Variants in HEMK2 observed in about 807,000 individuals in gnomAD.
The protein encoded by HEMK2 is methyltransferase HEMK2.
the HEMK2 span, among the ~76,000 whole-genome samples, chr21:28,763,269 T>G: frequency 1.3e-5 from 2 of 152,166 alleles, no homozygotes. Context: ...CTTATGGTTC[T>G]GCATGCTGTA....
chr21:28,696,427 C>T, the HEMK2 span, among the ~76,000 whole-genome samples: 468 of 152,304 alleles, frequency 3.1e-3, 6 homozygotes, highest in African/African-American at 0.011. Context: ...CCTTTGACTC[C>T]ATGTCTCGCA....
chr21:28,823,373 T>C, the HEMK2 span, among the ~76,000 whole-genome samples: 1 of 152,206 alleles, frequency 6.6e-6, no homozygotes, highest in Non-Finnish European at 1.5e-5. Context: ...GTTTGTTGAA[T>C]CTGAGCATAA....
chr21:28,840,137 T>C, the HEMK2 span, among the ~76,000 whole-genome samples: 755 of 152,242 alleles, frequency 5.0e-3, 5 homozygotes, highest in African/African-American at 0.017. Flanking sequence ...TTTCAACAAA[T>C]GGTGCTGGGA....
At chr21:28,590,008 C>A in the HEMK2 span, among the ~76,000 whole-genome samples, 1 of 152,186 alleles carries the variant, frequency 6.6e-6, no homozygotes, top group Admixed American at 6.5e-5. Context: ...TTTCCCCATG[C>A]AAACACGCCC....
the HEMK2 span, among the ~76,000 whole-genome samples, chr21:28,718,066 A>G: frequency 1.3e-5 from 2 of 152,180 alleles, no homozygotes; most frequent in South Asian, 4.1e-4. Flanking sequence ...ATTTAGTACT[A>G]TAAATTTTTC....
At chr21:28,715,913 C>T in the HEMK2 span, among the ~76,000 whole-genome samples, 2 of 152,110 alleles carry the variant, frequency 1.3e-5, no homozygotes, top group Non-Finnish European at 2.9e-5. Flanking sequence ...TTCCCTATTG[C>T]TTATTTTTGT....
chr21:28,755,574 T>C, the HEMK2 span, among the ~76,000 whole-genome samples: 4 of 152,212 alleles, frequency 2.6e-5, no homozygotes, highest in Non-Finnish European at 5.9e-5. Flanking sequence ...TGCTCAGGAA[T>C]CACCTTTATG....
the HEMK2 span, among the ~76,000 whole-genome samples, chr21:28,669,910 C>T: frequency 6.6e-6 from 1 of 152,116 alleles, no homozygotes; most frequent in Non-Finnish European, 1.5e-5. Flanking sequence ...GGGGCTCAGA[C>T]TTTAAGCAAA....
At chr21:28,810,948 G>T in the HEMK2 span, among the ~76,000 whole-genome samples, 2 of 152,158 alleles carry the variant, frequency 1.3e-5, no homozygotes, top group African/African-American at 4.8e-5. Flanking sequence ...CAGGTTCAAA[G>T]ATGGAGAAGG....
the HEMK2 span, among the ~76,000 whole-genome samples, chr21:28,699,830 T>A: frequency 1.8e-4 from 28 of 152,230 alleles, no homozygotes; most frequent in African/African-American, 5.8e-4. Flanking sequence ...TCATGCCCCA[T>A]GAAATGGGAA....
At chr21:28,613,064 T>A in the HEMK2 span, among the ~76,000 whole-genome samples, 3 of 151,742 alleles carry the variant, frequency 2.0e-5, no homozygotes, top group African/African-American at 7.3e-5. Context: ...AACAAGTGGA[T>A]GAAGAAATGT....
the HEMK2 span, among the ~76,000 whole-genome samples, chr21:28,792,208 C>T: frequency 6.6e-6 from 1 of 152,096 alleles, no homozygotes; most frequent in Non-Finnish European, 1.5e-5. Context: ...CCTTGTTTAG[C>T]ATATGATCAA....
the HEMK2 span, among the ~76,000 whole-genome samples, chr21:28,735,959 G>A: frequency 6.6e-6 from 1 of 152,188 alleles, no homozygotes; most frequent in Non-Finnish European, 1.5e-5. Flanking sequence ...GGCTTGACCG[G>A]CTCATTGGCC....
chr21:28,847,629 T>A, the HEMK2 span, among the ~76,000 whole-genome samples: 1 of 152,218 alleles, frequency 6.6e-6, no homozygotes, highest in Admixed American at 6.5e-5. Flanking sequence ...TTTAATTATG[T>A]CCCATTTATC....
the HEMK2 span, among the ~76,000 whole-genome samples, chr21:28,677,198 C>G: frequency 1.3e-5 from 2 of 152,200 alleles, no homozygotes; most frequent in Admixed American, 6.5e-5. Flanking sequence ...CACCTCCACC[C>G]TAATACTGTG....
chr21:28,665,337 T>A, the HEMK2 span, among the ~76,000 whole-genome samples: 26 of 93,936 alleles, frequency 2.8e-4, no homozygotes, highest in African/African-American at 1.2e-3. Context: ...TATATTTCTT[T>A]TTTTTTTTTT....
the HEMK2 span, among the ~76,000 whole-genome samples, chr21:28,785,859 A>G: frequency 1.3e-5 from 2 of 152,338 alleles, no homozygotes; most frequent in East Asian, 3.9e-4. Context: ...CCATTAGCAT[A>G]TTTTAGTCCT....
chr21:28,701,546 CCACACACACACATACACA>C, the HEMK2 span, among the ~76,000 whole-genome samples: 131 of 119,950 alleles, frequency 1.1e-3, no homozygotes, highest in Middle Eastern at 3.9e-3. Flanking sequence ...TTCACAATAG[CCACACACACACATACACA>C]CACACACACA....
the HEMK2 span, among the ~76,000 whole-genome samples, chr21:28,657,938 T>A: frequency 6.6e-6 from 1 of 152,056 alleles, no homozygotes; most frequent in Non-Finnish European, 1.5e-5. Context: ...TGCAAAGGAA[T>A]AAAATTAATT....
Sources: gnomAD v4.1 joint callset for allele counts (sites outside exome capture counted in the v4.1 genomes callset) on GRCh38, gnomAD v4.1.1 for gene constraint, MANE v1.5 for transcripts, NCBI Gene and HGNC (gene_info 2026-07-23, HGNC 2026-07-21) for gene names.